VWA8: variants seen among roughly 807,000 people sequenced by gnomAD.
VWA8 encodes the protein von Willebrand factor A domain containing 8.
A neutral mutation model predicts 241.5 loss-of-function variants in VWA8; 221 were observed. The observed-to-expected ratio is 0.91, with a 90% confidence interval of 0.82 to 1.02. The LOEUF (loss-of-function observed/expected upper bound fraction) is 1.02. VWA8 is among the 50% of genes least tolerant of loss of function. The pLI is 0.00. For synonymous variants in VWA8, 852 were observed against 827.1 expected, an observed-to-expected ratio of 1.03 and a Z score of -0.52; for missense variants, 2,322 against 2,328.7, an observed-to-expected ratio of 1.00 and a Z score of 0.06.
chr13:41,891,728 T>C, intron 4 of VWA8, 141 bp from the exon 5 acceptor site: 1 of 881,298 alleles, frequency 1.1e-6, no homozygotes, highest in East Asian at 2.7e-5. Context: ...GATCTTGTTT[T>C]GCTTTTTCTG....
intron 12 of VWA8, among the ~76,000 whole-genome samples, chr13:41,840,285 G>A (rs1174647821): frequency 6.6e-6 from 1 of 152,026 alleles, no homozygotes; most frequent in Non-Finnish European, 1.5e-5. Flanking sequence ...ACACAGGGAG[G>A]AGAACATCAC....
At chr13:41,575,619 G>T in intron 43 of VWA8, 121 bp downstream of exon 43, 1 of 663,020 alleles carries the variant, frequency 1.5e-6, no homozygotes, top group Non-Finnish European at 2.5e-6. Flanking sequence ...TTCAATACTT[G>T]AATGTGTGTG....
intron 17 of VWA8, among the ~76,000 whole-genome samples, 188 bp from the exon 18 acceptor site, chr13:41,787,731 G>A (rs1048025161): frequency 9.2e-5 from 14 of 151,986 alleles, no homozygotes; most frequent in South Asian, 4.1e-4. Flanking sequence ...CTTAATGTAC[G>A]TGTGAATTAT....
intron 34 of VWA8, among the ~76,000 whole-genome samples, chr13:41,687,678 T>C (rs2045145959): frequency 6.6e-6 from 1 of 152,118 alleles, no homozygotes; most frequent in Admixed American, 6.6e-5. Context: ...TTAACTATCA[T>C]GTATGAAAGG....
chr13:41,583,242 T>C (rs182715224), intron 42 of VWA8, among the ~76,000 whole-genome samples: 9 of 152,280 alleles, frequency 5.9e-5, no homozygotes, highest in Admixed American at 1.3e-4. Flanking sequence ...AGGAAGATGA[T>C]ACAAAGTCCC....
intron 21 of VWA8, among the ~76,000 whole-genome samples, chr13:41,737,704 C>G (rs192483193): frequency 1.1e-3 from 161 of 152,246 alleles, no homozygotes; most frequent in Non-Finnish European, 2.1e-3. Flanking sequence ...TTCAAATGTT[C>G]TCATCACAAG....
chr13:41,740,623 C>T (rs2045562911), intron 21 of VWA8, among the ~76,000 whole-genome samples: 1 of 152,190 alleles, frequency 6.6e-6, no homozygotes, highest in African/African-American at 2.4e-5. Flanking sequence ...CATCCAGAGC[C>T]TCCAGAATGA....
intron 21 of VWA8, among the ~76,000 whole-genome samples, chr13:41,746,812 T>C (rs1361164425): frequency 6.6e-6 from 1 of 152,220 alleles, no homozygotes; most frequent in African/African-American, 2.4e-5. Context: ...ATTAGGAATA[T>C]GATGCTAGAA....
intron 10 of VWA8, among the ~76,000 whole-genome samples, chr13:41,867,199 T>C (rs915455071): frequency 1.3e-5 from 2 of 152,232 alleles, no homozygotes; most frequent in African/African-American, 4.8e-5. Flanking sequence ...GCCAAAAATG[T>C]TCTATCCACT....
chr13:41,602,700 C>T (rs2044529311), intron 40 of VWA8, among the ~76,000 whole-genome samples: 2 of 152,062 alleles, frequency 1.3e-5, no homozygotes, highest in African/African-American at 4.8e-5. Context: ...ATTGTTTAAG[C>T]ATATCATCTG....
chr13:41,895,831 C>CTTTT (rs59080554), intron 4 of VWA8, among the ~76,000 whole-genome samples: 2 of 130,006 alleles, frequency 1.5e-5, no homozygotes, highest in African/African-American at 2.8e-5. Flanking sequence ...TGCAAATTTT[C>CTTTT]TTTTTTTTTT....
At chr13:41,746,818 T>C (rs1184371310) in intron 21 of VWA8, among the ~76,000 whole-genome samples, 1 of 152,206 alleles carries the variant, frequency 6.6e-6, no homozygotes, top group Admixed American at 6.5e-5. Context: ...AATATGATGC[T>C]AGAATTTTAA....
intron 17 of VWA8, among the ~76,000 whole-genome samples, chr13:41,794,452 T>C (rs1165665149): frequency 1.3e-5 from 2 of 152,194 alleles, no homozygotes; most frequent in East Asian, 3.8e-4. Flanking sequence ...TGTTGGTGTA[T>C]AGAAATGCTA....
intron 4 of VWA8, among the ~76,000 whole-genome samples, chr13:41,901,879 A>AT (rs1353048858): frequency 8.6e-5 from 8 of 93,104 alleles, no homozygotes; most frequent in Non-Finnish European, 1.6e-4. Flanking sequence ...AAAAAAAAAA[A>AT]AAAAAAAAAA....
intron 2 of VWA8, among the ~76,000 whole-genome samples, chr13:41,922,386 T>C (rs945477007): frequency 2.6e-5 from 4 of 152,234 alleles, no homozygotes; most frequent in African/African-American, 4.8e-5. Context: ...AAGGACTTCA[T>C]GTCTAAAACA....
intron 10 of VWA8, among the ~76,000 whole-genome samples, chr13:41,867,557 C>A (rs922037885): frequency 4.6e-5 from 7 of 152,022 alleles, no homozygotes; most frequent in Non-Finnish European, 1.0e-4. Flanking sequence ...ATGGATCTTG[C>A]GGGATTTAAA....
chr13:41,668,433 C>A (rs990600661), intron 37 of VWA8, among the ~76,000 whole-genome samples: 2 of 152,132 alleles, frequency 1.3e-5, no homozygotes, highest in African/African-American at 4.8e-5. Context: ...AGAACCTATT[C>A]TCTTTTTTCA....
Position 41,719,346 on chromosome 13 carries a change from C to G in VWA8, c.3116+245G>C, listed in dbSNP as rs182593566. ...AAAAGGACTGAGACTGTTAAAGAAA[C>G]AAATATTTCCCTTTATTTATTACAT... is the stretch of plus-strand genomic sequence containing the variant. On this transcript the variant is annotated intron_variant, in intron 26 of 44. Coordinates refer to ENST00000379310, the MANE Select transcript of VWA8 (RefSeq NM_015058.2). 189 of 1,320,276 alleles carry G rather than the reference C, an allele frequency of 1.4e-4. 1 individual carries two copies. In the Admixed American group the frequency reaches 1.7e-3, roughly 12 times the overall value. 81.8% of individuals were successfully genotyped at this position (1,320,276 alleles called of 1,614,324 possible).
At chr13:41,933,335 T>C (rs9315873) in intron 2 of VWA8, among the ~76,000 whole-genome samples, 38,778 of 151,796 alleles carry the variant, frequency 0.26, 5,464 homozygotes, top group Admixed American at 0.31. Context: ...GAGAAATATA[T>C]CTTGTTCATG....
Sources: allele counts gnomAD v4.1 joint callset (sites outside exome capture counted in the v4.1 genomes callset), GRCh38; gene constraint gnomAD v4.1.1; transcripts MANE v1.5; gene names NCBI Gene and HGNC (gene_info 2026-07-23, HGNC 2026-07-21).